DIS3L2: variants seen among roughly 807,000 people sequenced by gnomAD.
DIS3L2 encodes the protein DIS3 like 3'-5' exoribonuclease 2.
DIS3L2 carries 34 observed loss-of-function variants against 97.5 expected under a neutral mutation model. That is an observed-to-expected ratio of 0.35 (90% CI 0.27 to 0.46). DIS3L2 has a LOEUF of 0.46. Among genes scored for constraint, DIS3L2 ranks in the 20% least tolerant of loss-of-function variants. DIS3L2 has a pLI of 1.00. For synonymous variants in DIS3L2, 435 were observed against 445.2 expected, an observed-to-expected ratio of 0.98 and a Z score of 0.29; for missense variants, 1,038 against 1,146.0, an observed-to-expected ratio of 0.91 and a Z score of 1.36.
chr2:232,088,373 C>A (rs1319758202), intron 6 of DIS3L2, among the ~76,000 whole-genome samples: 2 of 141,090 alleles, frequency 1.4e-5, no homozygotes, highest in East Asian at 4.4e-4. Context: ...GTTGAAAGCC[C>A]GTCTCTACTA....
At position 232,279,937 on chromosome 2, in the gene DIS3L2, T is replaced by C. The variant is rs184253287; in HGVS notation, c.1659+16497T>C. Reference sequence around the variant, plus strand: ...TGTCATTTCATTTCTTCTCTCTCCATTCTCTCTGGCTTATCTTTTCCTGTC... The same window carrying C: ...TGTCATTTCATTTCTTCTCTCTCCACTCTCTCTGGCTTATCTTTTCCTGTC... On this transcript the variant is annotated intron_variant, in intron 13 of 20. Coordinates refer to ENST00000325385, the MANE Select transcript of DIS3L2 (RefSeq NM_152383.5). Among the ~76,000 whole-genome samples the C allele has an allele frequency of 8.5e-5, 13 of 152,336 alleles. No individual in the cohort carries two copies. In the East Asian group the frequency reaches 2.5e-3, roughly 29 times the overall value.
At chr2:232,005,170 ATTTT>A (rs55757645) in intron 1 of DIS3L2, among the ~76,000 whole-genome samples, 19 of 126,538 alleles carry the variant, frequency 1.5e-4, no homozygotes, top group Admixed American at 2.5e-4. Flanking sequence ...AAGAATCTTG[ATTTT>A]TTTTTTTTTT....
chr2:232,253,952 A>G (rs543268661), intron 12 of DIS3L2, among the ~76,000 whole-genome samples: 1 of 152,384 alleles, frequency 6.6e-6, no homozygotes, highest in South Asian at 2.1e-4. Context: ...AAAGGGCACA[A>G]TAAACCCATC....
chr2:232,251,760 T>C lies in DIS3L2; in HGVS notation c.1425+2414T>C, dbSNP rs116294762. The stretch of plus-strand genomic sequence containing the variant: ...CACAACCCTAGAAATTAGATGACAG[T>C]GAAGCAAAGCTTTCTAATTTCTGAA... On this transcript the variant is annotated intron_variant, in intron 12 of 20. Transcript: ENST00000325385. Among the ~76,000 whole-genome samples the C allele has an allele frequency of 2.9e-3, 436 of 152,334 alleles. 2 individuals are homozygous for C. Among genetic ancestry groups the C allele is most frequent in the Middle Eastern group, 0.014 (4 of 294 alleles).
chr2:232,149,238 G>T, intron 8 of DIS3L2, among the ~76,000 whole-genome samples: 1 of 144,322 alleles, frequency 6.9e-6, no homozygotes, highest in African/African-American at 2.6e-5. Flanking sequence ...GGGTACATGT[G>T]CACATTGTGC....
chr2:232,110,083 CCAA>C (rs1487333736), intron 6 of DIS3L2, among the ~76,000 whole-genome samples: 2 of 151,760 alleles, frequency 1.3e-5, no homozygotes, highest in South Asian at 2.1e-4. Context: ...ATGCATGTGG[CCAA>C]CATTTGTAAA....
intron 13 of DIS3L2, among the ~76,000 whole-genome samples, chr2:232,270,864 CTCTCTCTCTCTCTCTCT>C (rs1574984616): frequency 4.8e-5 from 1 of 20,794 alleles, no homozygotes; most frequent in East Asian, 3.5e-4. Context: ...TTTCTCGTCT[CTCTCTCTCTCTCTCTCT>C]CTCTCTCTCT....
intron 5 of DIS3L2, among the ~76,000 whole-genome samples, chr2:232,055,444 C>G (rs918653453): frequency 2.0e-5 from 3 of 152,110 alleles, no homozygotes; most frequent in Non-Finnish European, 4.4e-5. Context: ...TTTTCAAGAC[C>G]TCAACATTGC....
At position 232,266,968 on chromosome 2, in the gene DIS3L2, G is replaced by A. The variant is rs879433591; in HGVS notation, c.1659+3528G>A. ...AGTCAGTTTACCATGATGACTTTCC[G>A]AATGAATGGGGGCTGAGTGTGCGGC... On this transcript the variant is annotated intron_variant, in intron 13 of 20. Coordinates refer to ENST00000325385, the MANE Select transcript of DIS3L2 (RefSeq NM_152383.5). 4.6e-5 allele frequency among the ~76,000 whole-genome samples: 7 copies of A among 152,142 alleles called. No homozygotes were observed. In the East Asian group the frequency reaches 9.6e-4, roughly 21 times the overall value.
rs1234285631 is a variant in DIS3L2, at chr2:232,130,652, A to T, written c.635A>T (p.Asp212Val). 1.9e-6 allele frequency: 3 copies of T among 1,613,312 alleles called. No individual in the cohort carries two copies. The African/African-American group carries it at 4.0e-5, about 22-fold the overall frequency. Residue 212 changes from aspartate (D) to valine (V), a missense_variant, in exon 7 of 21, where the codon GAT becomes GTT. Asp to Val is a radical substitution (Grantham distance 152). This residue lies in a region of DIS3L2 where 813 missense variants were observed against 880.1 expected (regional missense o/e 0.92). Coordinates refer to ENST00000325385, the MANE Select transcript of DIS3L2 (RefSeq NM_152383.5). ...REDGDAPVTK[D>V]ETTCISQDTR... ...GATGGTGATGCACCGGTTACAAAAGATGAGACCACCTGCATTTCACAAGAC... is the reference window on the plus strand; with the variant it reads ...GATGGTGATGCACCGGTTACAAAAGTTGAGACCACCTGCATTTCACAAGAC...
intron 13 of DIS3L2, among the ~76,000 whole-genome samples, chr2:232,290,787 CA>C (rs1207483030): frequency 6.6e-6 from 1 of 152,194 alleles, no homozygotes; most frequent in East Asian, 1.9e-4. Flanking sequence ...AGGGAGGCAT[CA>C]TCCAATGGGA....
intron 6 of DIS3L2, among the ~76,000 whole-genome samples, chr2:232,115,066 CATTAATCCATTAATGG>C (rs1260868996): frequency 1.3e-5 from 2 of 152,054 alleles, no homozygotes; most frequent in African/African-American, 2.4e-5. Flanking sequence ...CATGATAACC[CATTAATCCATTAATGG>C]ATTAATCCAT....
chr2:232,246,569 T>A (rs1693253376), intron 11 of DIS3L2, among the ~76,000 whole-genome samples: 1 of 152,176 alleles, frequency 6.6e-6, no homozygotes, highest in Non-Finnish European at 1.5e-5. Flanking sequence ...AGACCAAGAC[T>A]CAAAATTTTA....
In DIS3L2 at chr2:232,030,039, G is replaced by A; in HGVS notation, c.325G>A (p.Asp109Asn). 6.2e-7 allele frequency: 1 copy of A among 1,611,482 alleles called. No individual in the cohort carries two copies. The highest frequency in any genetic ancestry group is 1.1e-5 in the South Asian group (1 of 90,446). Reference sequence around the variant, plus strand: ...TGCTCGTAATAGAGCCTTAAATGGGGATCTGGTGGTCGTGAAACTGCTTCC... The same window carrying A: ...TGCTCGTAATAGAGCCTTAAATGGGAATCTGGTGGTCGTGAAACTGCTTCC... ...VVARNRALNG[D>N]LVVVKLLPEE... is the part of the protein sequence containing the mutation. Residue 109 changes from aspartate (D) to asparagine (N), a missense_variant, in exon 5 of 21, where the codon GAT (aspartate) becomes AAT (asparagine). Around this residue, in one of 3 missense-constraint regions of DIS3L2, gnomAD observed 813 missense variants for 880.1 expected, o/e 0.92. Transcript: ENST00000325385.
At chr2:232,105,297 C>T (rs3100592) in intron 6 of DIS3L2, among the ~76,000 whole-genome samples, 118,670 of 152,212 alleles carry the variant, frequency 0.78, 46,845 homozygotes, top group African/African-American at 0.89. Context: ...TAGGGTAATT[C>T]TGTGTTTAGC....
chr2:231,987,102 G>A (rs1693435226), intron 1 of DIS3L2, among the ~76,000 whole-genome samples: 1 of 152,174 alleles, frequency 6.6e-6, no homozygotes, highest in Non-Finnish European at 1.5e-5. Context: ...GAAACCCTAA[G>A]TTGTCTGGGC....
At chr2:232,061,011 C>T (rs1282419371) in intron 5 of DIS3L2, among the ~76,000 whole-genome samples, 1 of 152,162 alleles carries the variant, frequency 6.6e-6, no homozygotes, top group Non-Finnish European at 1.5e-5. Flanking sequence ...TATCATGAAA[C>T]TTTACTGAAA....
chr2:232,149,251 G>A (rs1328032809), intron 8 of DIS3L2, among the ~76,000 whole-genome samples: 13 of 147,426 alleles, frequency 8.8e-5, no homozygotes, highest in African/African-American at 3.3e-4. Context: ...CATTGTGCAG[G>A]TTAGTTACAT....
chr2:232,338,662 C>G (rs1696040958), downstream of DIS3L2, among the ~76,000 whole-genome samples: 1 of 151,944 alleles, frequency 6.6e-6, no homozygotes. Context: ...GAAGGCAGCC[C>G]AGCCTTCTCC....
Sources: allele counts gnomAD v4.1 joint callset (sites outside exome capture counted in the v4.1 genomes callset), GRCh38; gene constraint gnomAD v4.1.1; regional missense constraint gnomAD v4.1.1; transcripts MANE v1.5; gene names NCBI Gene and HGNC (gene_info 2026-07-23, HGNC 2026-07-21).